MCPH1: variants seen among roughly 807,000 people sequenced by gnomAD.
MCPH1 encodes microcephalin.
A neutral mutation model predicts 84.5 loss-of-function variants in MCPH1; 104 were observed. That is an observed-to-expected ratio of 1.23 (90% CI 1.05 to 1.45). MCPH1 has a LOEUF of 1.45. Among genes scored for constraint, MCPH1 ranks in the 40% most tolerant of loss-of-function variants. MCPH1 has a pLI of 0.00. For synonymous variants in MCPH1, 514 were observed against 366.8 expected (o/e 1.40, Z -4.58); for missense variants, 1,498 against 1,005.7 (o/e 1.49, Z -6.62).
chr8:6,517,328 G>A (rs1034579279), intron 12 of MCPH1, among the ~76,000 whole-genome samples: 3 of 152,158 alleles, frequency 2.0e-5, no homozygotes, highest in African/African-American at 7.2e-5. Context: ...TCAACTCTGA[G>A]GCAATGATTA....
intron 12 of MCPH1, among the ~76,000 whole-genome samples, chr8:6,558,439 AT>A (rs1261508231): frequency 1.3e-5 from 2 of 152,178 alleles, no homozygotes; most frequent in African/African-American, 4.8e-5. Context: ...AATGTACAAA[AT>A]TTCAATTATT....
At chr8:6,433,499 G>A (rs1802149464) in intron 4 of MCPH1, among the ~76,000 whole-genome samples, 1 of 151,834 alleles carries the variant, frequency 6.6e-6, no homozygotes, top group South Asian at 2.1e-4. Flanking sequence ...CCAACCTGGT[G>A]GTGCACACCT....
chr8:6,619,571 G>T (rs974543095), intron 12 of MCPH1, among the ~76,000 whole-genome samples: 1 of 152,022 alleles, frequency 6.6e-6, no homozygotes. Context: ...GATTACAGGC[G>T]TGAGCCACTG....
intron 12 of MCPH1, among the ~76,000 whole-genome samples, chr8:6,512,523 C>A (rs1157298537): frequency 4.6e-5 from 7 of 152,194 alleles, no homozygotes; most frequent in Admixed American, 1.3e-4. Context: ...TCACGAGGCG[C>A]CACCAGTCTG....
chr8:6,632,799 ACT>A (rs1359823867), intron 13 of MCPH1, among the ~76,000 whole-genome samples: 4 of 151,160 alleles, frequency 2.6e-5, no homozygotes, highest in Non-Finnish European at 5.9e-5. Flanking sequence ...ACAGAGTGAG[ACT>A]CTGTCTAAGA....
chr8:6,452,041 T>C (rs758365703), intron 8 of MCPH1, among the ~76,000 whole-genome samples: 4 of 152,234 alleles, frequency 2.6e-5, no homozygotes, highest in Non-Finnish European at 4.4e-5. Flanking sequence ...CGGCCTTAGC[T>C]CTAGACAAAA....
At position 6,477,579 on chromosome 8, in the gene MCPH1, G is replaced by A; in HGVS notation, c.1936-15G>A. 6.2e-7 allele frequency: 1 copy of A among 1,610,708 alleles called. No individual in the cohort carries two copies. Among genetic ancestry groups the A allele is most frequent in the Middle Eastern group, 1.7e-4 (1 of 5,870 alleles). Reference sequence around the variant, plus strand: ...TTTTGACTGTTTTTTGTTCCTTCTTGTTTGAAATCTCTAGCCAACAAGAAC... The same window carrying A: ...TTTTGACTGTTTTTTGTTCCTTCTTATTTGAAATCTCTAGCCAACAAGAAC... On this transcript the variant is annotated splice_polypyrimidine_tract_variant and intron_variant, in intron 9 of 13. Transcript: ENST00000344683.
At chr8:6,531,131 G>C (rs1819428447) in intron 12 of MCPH1, among the ~76,000 whole-genome samples, 1 of 152,002 alleles carries the variant, frequency 6.6e-6, no homozygotes, top group Admixed American at 6.6e-5. Context: ...TGAGCTTGGA[G>C]CGTCTGCATT....
chr8:6,594,639 G>C (rs1345912519), intron 12 of MCPH1, among the ~76,000 whole-genome samples: 1 of 152,186 alleles, frequency 6.6e-6, no homozygotes, highest in Non-Finnish European at 1.5e-5. Flanking sequence ...TTTTTCTGGA[G>C]AAGAAAGTAC....
intron 8 of MCPH1, chr8:6,445,907 G>A: frequency 2.0e-6 from 2 of 1,003,792 alleles, no homozygotes; most frequent in Non-Finnish European, 2.4e-6. Context: ...GTATACGATA[G>A]AGAGTTTTTT....
At chr8:6,447,130 A>G (rs1804510164) in intron 8 of MCPH1, 1 of 985,352 alleles carries the variant, frequency 1.0e-6, no homozygotes, top group Non-Finnish European at 1.2e-6. Context: ...GTTCTAGGAC[A>G]TAAAAAGACC....
At chr8:6,414,254 T>C (rs2440440) in intron 2 of MCPH1, among the ~76,000 whole-genome samples, 148,004 of 152,214 alleles carry the variant, frequency 0.97, 72,090 homozygotes, top group East Asian at 1. Context: ...GTGATCCACC[T>C]GCCTCGGCCT....
chr8:6,425,202 T>C (rs1378277745), intron 3 of MCPH1, among the ~76,000 whole-genome samples: 1 of 152,238 alleles, frequency 6.6e-6, no homozygotes, highest in Non-Finnish European at 1.5e-5. Flanking sequence ...ACGTTGCTGC[T>C]TTGATTTCTG....
chr8:6,525,242 C>A (rs1818115205), intron 12 of MCPH1, among the ~76,000 whole-genome samples: 1 of 152,106 alleles, frequency 6.6e-6, no homozygotes, highest in African/African-American at 2.4e-5. Flanking sequence ...TGTATTCCAG[C>A]CCCCTGATCG....
At chr8:6,537,732 C>G (rs927215986) in intron 12 of MCPH1, among the ~76,000 whole-genome samples, 3 of 152,074 alleles carry the variant, frequency 2.0e-5, no homozygotes, top group Middle Eastern at 3.4e-3. Flanking sequence ...TCCTTCTCAC[C>G]AAGATTGTCA....
intron 12 of MCPH1, among the ~76,000 whole-genome samples, chr8:6,577,614 G>T (rs1490634794): frequency 6.6e-6 from 1 of 152,230 alleles, no homozygotes; most frequent in Non-Finnish European, 1.5e-5. Flanking sequence ...TATCTTGCAT[G>T]AAGCTAAATC....
chr8:6,432,246 G>A (rs980059890), intron 4 of MCPH1, among the ~76,000 whole-genome samples: 7 of 152,338 alleles, frequency 4.6e-5, no homozygotes, highest in Non-Finnish European at 7.3e-5. Context: ...GATTACAGGC[G>A]TGAGCCACTG....
chr8:6,452,251 T>C (rs1460951840), intron 8 of MCPH1, among the ~76,000 whole-genome samples: 1 of 152,220 alleles, frequency 6.6e-6, no homozygotes, highest in Admixed American at 6.5e-5. Context: ...GTTGAGTAGC[T>C]GAAGGTTGTG....
intron 8 of MCPH1, among the ~76,000 whole-genome samples, chr8:6,454,149 G>A (rs1448915781): frequency 6.6e-6 from 1 of 152,150 alleles, no homozygotes; most frequent in Non-Finnish European, 1.5e-5. Flanking sequence ...ATCTCTGAGG[G>A]CACTGATGTT....
Sources: allele counts gnomAD v4.1 joint callset (sites outside exome capture counted in the v4.1 genomes callset), GRCh38; gene constraint gnomAD v4.1.1; transcripts MANE v1.5; gene names NCBI Gene and HGNC (gene_info 2026-07-23, HGNC 2026-07-21).